CALD1: variants seen among roughly 807,000 people sequenced by gnomAD.
The protein encoded by CALD1 is caldesmon 1.
Under a neutral mutation model 99.9 loss-of-function variants are expected in CALD1, and 33 were observed. The observed-to-expected ratio is 0.33, with a 90% CI of 0.25 to 0.44. CALD1 has a LOEUF of 0.44. CALD1 is among the 20% of genes least tolerant of loss of function. CALD1 has a pLI of 1.00. For missense variants in CALD1, 861 were observed against 962.1 expected (o/e 0.89, Z 1.39); for synonymous variants, 310 against 325.0 (o/e 0.95, Z 0.50).
chr7:134,951,449 A>G (rs1277094023), intron 9 of CALD1, among the ~76,000 whole-genome samples: 1 of 152,280 alleles, frequency 6.6e-6, no homozygotes, highest in Non-Finnish European at 1.5e-5. Flanking sequence ...TCTAAAATTT[A>G]TAAAATAGGA....
chr7:134,715,065 C>T, the CALD1 span, among the ~76,000 whole-genome samples: 1 of 152,178 alleles, frequency 6.6e-6, no homozygotes, highest in East Asian at 1.9e-4. Flanking sequence ...CCATATGTTA[C>T]CCATGGGGCA....
intron 3 of CALD1, among the ~76,000 whole-genome samples, chr7:134,907,586 G>A (rs1273808780): frequency 6.6e-6 from 1 of 152,032 alleles, no homozygotes; most frequent in Non-Finnish European, 1.5e-5. Context: ...TTCCTTGATG[G>A]CATTTCTAAG....
intron 1 of CALD1, among the ~76,000 whole-genome samples, chr7:134,810,318 C>A (rs1305858207): frequency 4.6e-5 from 7 of 152,302 alleles, no homozygotes; most frequent in African/African-American, 1.7e-4. Context: ...CTACATTTTT[C>A]CAGTTTCTGG....
At chr7:134,820,050 T>G (rs1294342661) in intron 1 of CALD1, among the ~76,000 whole-genome samples, 1 of 152,236 alleles carries the variant, frequency 6.6e-6, no homozygotes, top group African/African-American at 2.4e-5. Flanking sequence ...TTAATGTGCT[T>G]CTTTTTTCAC....
chr7:134,852,488 C>T (rs1225731630), intron 2 of CALD1, among the ~76,000 whole-genome samples: 4 of 152,130 alleles, frequency 2.6e-5, no homozygotes, highest in African/African-American at 9.7e-5. Context: ...TCCTGAATAA[C>T]TCCATTCAAA....
At chr7:134,918,205 A>T (rs12673328) in intron 3 of CALD1, among the ~76,000 whole-genome samples, 1 of 152,064 alleles carries the variant, frequency 6.6e-6, no homozygotes, top group Non-Finnish European at 1.5e-5. Flanking sequence ...ACTCAATAAA[A>T]GATAAATCCA....
intron 7 of CALD1, among the ~76,000 whole-genome samples, chr7:134,941,779 T>C (rs1383055666): frequency 1.3e-5 from 2 of 152,222 alleles, no homozygotes; most frequent in Admixed American, 6.5e-5. Context: ...TTCATTTTCA[T>C]TGGAAGTCTC....
intron 1 of CALD1, among the ~76,000 whole-genome samples, chr7:134,830,947 GC>G (rs1420482347): frequency 3.9e-5 from 6 of 152,134 alleles, no homozygotes; most frequent in Non-Finnish European, 8.8e-5. Context: ...TCCCCTGAGA[GC>G]CGCTGATAGA....
At chr7:134,862,097 C>T (rs531136738) in intron 2 of CALD1, among the ~76,000 whole-genome samples, 1 of 152,082 alleles carries the variant, frequency 6.6e-6, no homozygotes, top group Non-Finnish European at 1.5e-5. Flanking sequence ...TGATTTAAAC[C>T]AAACAGGTTG....
chr7:134,955,057 T>A (rs1807659899), intron 9 of CALD1, among the ~76,000 whole-genome samples: 1 of 152,234 alleles, frequency 6.6e-6, no homozygotes, highest in African/African-American at 2.4e-5. Flanking sequence ...TTTTATATAC[T>A]TTACTAGTCT....
the CALD1 span, among the ~76,000 whole-genome samples, chr7:134,734,041 A>C: frequency 1.3e-5 from 2 of 151,956 alleles, no homozygotes; most frequent in African/African-American, 4.8e-5. Flanking sequence ...AAAAGCCATT[A>C]ATATGCAGCA....
intron 1 of CALD1, among the ~76,000 whole-genome samples, chr7:134,754,618 G>A (rs1174500911): frequency 6.6e-6 from 1 of 152,114 alleles, no homozygotes; most frequent in East Asian, 1.9e-4. Context: ...GTATGATATT[G>A]CTTCATGTGT....
chr7:134,864,456 C>T (rs998390092), intron 2 of CALD1, among the ~76,000 whole-genome samples: 1 of 148,238 alleles, frequency 6.7e-6, no homozygotes, highest in Non-Finnish European at 1.5e-5. Context: ...TGGAGTGAAG[C>T]GGCTCAATCT....
intron 1 of CALD1, among the ~76,000 whole-genome samples, chr7:134,752,798 C>T (rs544057454): frequency 3.3e-5 from 5 of 152,026 alleles, no homozygotes; most frequent in South Asian, 2.1e-4. Context: ...GTAAGGAGTT[C>T]GAGACCAGCC....
At chr7:134,934,753 T>G (rs1805827608) in intron 5 of CALD1, among the ~76,000 whole-genome samples, 1 of 151,994 alleles carries the variant, frequency 6.6e-6, no homozygotes, top group Non-Finnish European at 1.5e-5. Flanking sequence ...TACCGGCACA[T>G]GTCTGTAATC....
chr7:134,816,370 A>T (rs1177300340), intron 1 of CALD1, among the ~76,000 whole-genome samples: 3 of 152,198 alleles, frequency 2.0e-5, no homozygotes, highest in Admixed American at 2.0e-4. Flanking sequence ...TTATTGAAGG[A>T]AATTGCTAGA....
intron 2 of CALD1, among the ~76,000 whole-genome samples, chr7:134,862,445 A>T (rs1800603437): frequency 6.6e-6 from 1 of 152,198 alleles, no homozygotes; most frequent in African/African-American, 2.4e-5. Flanking sequence ...TGTGTTGTTA[A>T]GTGGAATAAG....
chr7:134,761,038 C>T (rs527943579), intron 1 of CALD1, among the ~76,000 whole-genome samples: 4 of 151,970 alleles, frequency 2.6e-5, no homozygotes, highest in Admixed American at 6.6e-5. Context: ...GGCTTAACAG[C>T]GAACGGTGAA....
chr7:134,728,090 G>C, the CALD1 span, among the ~76,000 whole-genome samples: 2 of 143,222 alleles, frequency 1.4e-5, no homozygotes, highest in South Asian at 2.4e-4. Flanking sequence ...TCAGCATGGA[G>C]AAAAGTAAAA....
Sources: gnomAD v4.1 joint callset for allele counts (sites outside exome capture counted in the v4.1 genomes callset) on GRCh38, gnomAD v4.1.1 for gene constraint, MANE v1.5 for transcripts, NCBI Gene and HGNC (gene_info 2026-07-23, HGNC 2026-07-21) for gene names.